Variants in PCDHGA11 observed in about 807,000 individuals in gnomAD.
PCDHGA11 encodes the protein protocadherin gamma-A11.
A neutral mutation model predicts 60.4 loss-of-function variants in PCDHGA11; 39 were observed. The observed-to-expected ratio is 0.65, with a 90% CI of 0.50 to 0.84. The LOEUF (loss-of-function observed/expected upper bound fraction) is 0.84, where lower values mean the gene tolerates loss of function less well. Among genes scored for constraint, PCDHGA11 ranks in the 40% least tolerant of loss-of-function variants. The pLI is 0.00. For missense variants in PCDHGA11, 1,165 were observed against 1,197.7 expected (o/e 0.97, Z 0.40); for synonymous variants, 533 against 510.3 (o/e 1.04, Z -0.60).
chr5:141,432,870 T>C lies in PCDHGA11; in HGVS notation c.2433+9210T>C, dbSNP rs1022024380. The stretch of plus-strand genomic sequence containing the variant: ...GCGGTGGCCGCGGTCTCCTGCGTCT[T>C]CCTGGCCTTCGTCATCTTGCTGCTG... On this transcript the variant is annotated intron_variant, in intron 1 of 3. Transcript: ENST00000398587. This position sits in a 1 kb window ranked among gnomAD's most constrained non-coding sequence, Gnocchi z 6.0. The C allele has an allele frequency of 1.9e-6, 3 of 1,614,030 alleles. No homozygotes were observed. In the African/African-American group the frequency reaches 4.0e-5, roughly 22 times the overall value.
At chr5:141,480,653 T>C (rs1214823403) in intron 1 of PCDHGA11, among the ~76,000 whole-genome samples, 2 of 152,190 alleles carry the variant, frequency 1.3e-5, no homozygotes, top group Admixed American at 1.3e-4. Context: ...TGGTTGCACA[T>C]TAAAATCACC....
chr5:141,436,080 T>C (rs755968267), intron 1 of PCDHGA11, among the ~76,000 whole-genome samples: 1 of 152,204 alleles, frequency 6.6e-6, no homozygotes, highest in Admixed American at 6.5e-5. Context: ...CAGTGTTCTA[T>C]AGGTAATATT....
chr5:141,459,574 T>G (rs1163443021), intron 1 of PCDHGA11, among the ~76,000 whole-genome samples: 6 of 152,226 alleles, frequency 3.9e-5, no homozygotes, highest in African/African-American at 1.4e-4. Flanking sequence ...AAAACAGAAT[T>G]GTTTTGGGGG....
At position 141,431,245 on chromosome 5, in the gene PCDHGA11, C is replaced by A. The variant is rs761126985; in HGVS notation, c.2433+7585C>A. The A allele has an allele frequency of 5.0e-6, 8 of 1,614,016 alleles. No individual in the cohort carries two copies. In the Admixed American group the frequency reaches 1.2e-4, roughly 24 times the overall value. On this transcript the variant is annotated intron_variant, in intron 1 of 3. Coordinates refer to ENST00000398587, the MANE Select transcript of PCDHGA11 (RefSeq NM_018914.3). This position sits in a 1 kb window ranked among gnomAD's most constrained non-coding sequence, Gnocchi z 4.8. ...TACCCCACGCCTGGGATCCGGATAT[C>A]GGGAAGAACTCTCTGCAGAGCTACG... is the stretch of plus-strand genomic sequence containing the variant.
At position 141,477,401 on chromosome 5, in the gene PCDHGA11, G is replaced by T. The variant is rs781253466; in HGVS notation, c.2434-17406G>T. On this transcript the variant is annotated intron_variant, in intron 1 of 3. Coordinates refer to ENST00000398587, the MANE Select transcript of PCDHGA11 (RefSeq NM_018914.3). The surrounding 1 kb of genome is among the most constrained non-coding windows in gnomAD (Gnocchi z 4.9). ...GCCAGAATACAACCTCAGCATCACC[G>T]CCCGAGACGCCGGAACCCCTTCCCT... 8 of 1,613,960 alleles carry T rather than the reference G, an allele frequency of 5.0e-6. No homozygotes were observed. The highest frequency in any genetic ancestry group is 4.5e-5 in the East Asian group (2 of 44,890).
chr5:141,466,297 A>G (rs1206472131), intron 1 of PCDHGA11, among the ~76,000 whole-genome samples: 3 of 152,146 alleles, frequency 2.0e-5, no homozygotes, highest in East Asian at 1.9e-4. Flanking sequence ...CAGGCTCCCA[A>G]GTAGCTGGGA....
At chr5:141,433,211 T>TC in intron 1 of PCDHGA11, 1 of 1,568,160 alleles carries the variant, frequency 6.4e-7, no homozygotes, top group Non-Finnish European at 8.6e-7. Context: ...CTTCTTTCTT[T>TC]TTTTTTTTTA....
At chr5:141,427,972 C>T (rs1368719718) in intron 1 of PCDHGA11, 1 of 1,593,948 alleles carries the variant, frequency 6.3e-7, no homozygotes, top group South Asian at 1.1e-5. Flanking sequence ...GTGCTGTACC[C>T]CGCGCTGGGG....
rs114740440 is a variant in PCDHGA11 at position 141,426,595 on chromosome 5, C to T, written c.2433+2935C>T. The T allele has an allele frequency of 4.0e-3, 1,518 of 375,912 alleles. 5 individuals carry two copies. Among genetic ancestry groups the T allele is most frequent in the Non-Finnish European group, 5.9e-3 (1,105 of 185,722 alleles). 23.3% of individuals were successfully genotyped at this position (375,912 alleles called of 1,614,324 possible). ...GTCTTCAAAATCCTCTGTGTCATAC[C>T]CTTAGAGATTGTAGCAGAGAATCCT... On this transcript the variant is annotated intron_variant, in intron 1 of 3. Coordinates refer to ENST00000398587, the MANE Select transcript of PCDHGA11 (RefSeq NM_018914.3).
At chr5:141,503,736 T>C (rs1381045077) in intron 2 of PCDHGA11, among the ~76,000 whole-genome samples, 4 of 152,202 alleles carry the variant, frequency 2.6e-5, no homozygotes, top group African/African-American at 9.6e-5. Context: ...TTTGTTGTGA[T>C]GGTATAGAGG....
At chr5:141,426,231 C>A in intron 1 of PCDHGA11, 1 of 158,042 alleles carries the variant, frequency 6.3e-6, no homozygotes, top group Non-Finnish European at 1.4e-5. Flanking sequence ...ATTTTAAAAG[C>A]ACTTTGTGAA....
chr5:141,447,389 C>T (rs1467715872), intron 1 of PCDHGA11, among the ~76,000 whole-genome samples: 1 of 152,150 alleles, frequency 6.6e-6, no homozygotes, highest in African/African-American at 2.4e-5. Context: ...CTGCCCACCT[C>T]GGCCTCCCAA....
intron 1 of PCDHGA11, chr5:141,427,297 A>G (rs1292641772): frequency 2.2e-6 from 1 of 456,900 alleles, no homozygotes; most frequent in Non-Finnish European, 4.4e-6. Context: ...ATCCTAGATG[A>G]GAATGACAAT....
intron 1 of PCDHGA11, among the ~76,000 whole-genome samples, chr5:141,488,497 C>CA (rs1415483796): frequency 4.6e-5 from 7 of 152,204 alleles, no homozygotes; most frequent in African/African-American, 1.7e-4. Flanking sequence ...CTGTAACACT[C>CA]ATTCCACATT....
rs141959335 is a variant in PCDHGA11, at chr5:141,491,261, T to C, written c.2434-3546T>C. On this transcript the variant is annotated intron_variant, in intron 1 of 3. Transcript: ENST00000398587. This position sits in a 1 kb window ranked among gnomAD's most constrained non-coding sequence, Gnocchi z 6.9. Reference sequence around the variant, plus strand: ...CTGGAGGATGAGGACCCTGAGGAAATGCCCAAATCCAGTGACTTCCTCATA... The same window carrying C: ...CTGGAGGATGAGGACCCTGAGGAAACGCCCAAATCCAGTGACTTCCTCATA... 104 of 1,614,044 alleles carry C rather than the reference T, an allele frequency of 6.4e-5. No individual in the cohort carries two copies. Among genetic ancestry groups the C allele is most frequent in the Non-Finnish European group, 8.1e-5 (95 of 1,180,028 alleles).
At chr5:141,508,664 T>C (rs1381178258) in intron 3 of PCDHGA11, among the ~76,000 whole-genome samples, 1 of 152,030 alleles carries the variant, frequency 6.6e-6, no homozygotes, top group Non-Finnish European at 1.5e-5. Context: ...TGTCATTCTG[T>C]CTCTGCCTCC....
chr5:141,509,300 G>A (rs987250093), intron 3 of PCDHGA11, among the ~76,000 whole-genome samples: 5 of 152,216 alleles, frequency 3.3e-5, no homozygotes, highest in African/African-American at 1.2e-4. Flanking sequence ...GGTGGAGGCA[G>A]AGGGAGGCTG....
chr5:141,421,690 C>T lies in PCDHGA11; in HGVS notation c.463C>T (p.Leu155Phe). Residue 155 changes from leucine to phenylalanine, a missense_variant, in exon 1 of 4, where the codon CTT (leucine) becomes TTT (phenylalanine). Leu to Phe is a conservative substitution (Grantham distance 22). Transcript: ENST00000398587. ...CGCAATTCCTGGGGCGCGATTTGCT[C>T]TTCCTAATGCTAGGGATCCAGATGT... is the stretch of plus-strand genomic sequence containing the variant. ...EHAIPGARFA[L>F]PNARDPDVGV... is the part of the protein sequence containing the mutation. The T allele has an allele frequency of 6.2e-7, 1 of 1,613,948 alleles. No homozygotes were observed.
rs894528472 is a variant in PCDHGA11 at position 141,489,718 on chromosome 5, C to A, written c.2434-5089C>A. 6.2e-7 allele frequency: 1 copy of A among 1,614,038 alleles called. No individual in the cohort carries two copies. Among genetic ancestry groups the A allele is most frequent in the African/African-American group, 1.3e-5 (1 of 74,934 alleles). ...ATTCCCACTGGACAGTGCCCAGGATCCGGATGTGGGCACCAATACTGTGAG... is the reference window on the plus strand; with the variant it reads ...ATTCCCACTGGACAGTGCCCAGGATACGGATGTGGGCACCAATACTGTGAG... On this transcript the variant is annotated intron_variant, in intron 1 of 3. Coordinates refer to ENST00000398587, the MANE Select transcript of PCDHGA11 (RefSeq NM_018914.3). This position sits in a 1 kb window ranked among gnomAD's most constrained non-coding sequence, Gnocchi z 4.5.
Sources: gnomAD v4.1 joint callset for allele counts (sites outside exome capture counted in the v4.1 genomes callset) on GRCh38, gnomAD v4.1.1 for gene constraint, Gnocchi (gnomAD v3.1) non-coding constraint, MANE v1.5 for transcripts, NCBI Gene and HGNC (gene_info 2026-07-23, HGNC 2026-07-21) for gene names.